ALK: variants seen among roughly 807,000 people sequenced by gnomAD.
The protein encoded by ALK is ALK receptor tyrosine kinase, also known as ALK tyrosine kinase receptor.
A neutral mutation model predicts 163.1 loss-of-function variants in ALK; 74 were observed. That is an observed-to-expected ratio of 0.45 (90% CI 0.38 to 0.55). The LOEUF (loss-of-function observed/expected upper bound fraction) is 0.55. Among genes scored for constraint, ALK ranks in the 20% least tolerant of loss-of-function variants. The pLI is 0.00. For missense variants in ALK, 2,063 were observed against 2,105.3 expected (o/e 0.98, Z 0.39); for synonymous variants, 960 against 843.2 (o/e 1.14, Z -2.40).
chr2:29,742,969 A>T (rs377411921), intron 1 of ALK, among the ~76,000 whole-genome samples: 8 of 152,240 alleles, frequency 5.3e-5, no homozygotes, highest in African/African-American at 1.9e-4. Context: ...TCTCAGCCAA[A>T]TATCACAATA....
intron 4 of ALK, among the ~76,000 whole-genome samples, chr2:29,427,201 G>A (rs1670166329): frequency 6.6e-6 from 1 of 151,908 alleles, no homozygotes; most frequent in Admixed American, 6.6e-5. Flanking sequence ...AAGCACACCT[G>A]ATAGTAATTT....
intron 25 of ALK, among the ~76,000 whole-genome samples, chr2:29,208,784 G>A (rs1051952654): frequency 2.6e-5 from 4 of 152,206 alleles, no homozygotes; most frequent in Non-Finnish European, 5.9e-5. Context: ...GTCATCCTGT[G>A]CAAGGAGGGA....
At chr2:29,621,748 G>A (rs919939283) in intron 3 of ALK, among the ~76,000 whole-genome samples, 31 of 152,152 alleles carry the variant, frequency 2.0e-4, no homozygotes, top group Non-Finnish European at 5.9e-5. Context: ...TATCCTCCAG[G>A]TGACCCCCTC....
intron 9 of ALK, among the ~76,000 whole-genome samples, chr2:29,282,993 G>A (rs78403070): frequency 8.3e-4 from 127 of 152,322 alleles, no homozygotes; most frequent in African/African-American, 2.9e-3. Flanking sequence ...TGTAGTGTAT[G>A]TTGAGCTCTG....
At chr2:29,551,681 T>G (rs868632370) in intron 3 of ALK, among the ~76,000 whole-genome samples, 14 of 152,286 alleles carry the variant, frequency 9.2e-5, no homozygotes, top group Middle Eastern at 3.4e-3. Context: ...ATGGATAGTG[T>G]GACCTCAGTC....
At chr2:29,365,297 G>A (rs1242183334) in intron 5 of ALK, among the ~76,000 whole-genome samples, 1 of 152,216 alleles carries the variant, frequency 6.6e-6, no homozygotes, top group Non-Finnish European at 1.5e-5. Flanking sequence ...TTAAACATAG[G>A]AAGCACTCAC....
chr2:29,372,930 A>T (rs1337125514), intron 5 of ALK, among the ~76,000 whole-genome samples: 2 of 152,196 alleles, frequency 1.3e-5, no homozygotes, highest in Non-Finnish European at 2.9e-5. Context: ...GTCTAAAGTG[A>T]CATTTCTCTG....
At chr2:29,673,271 G>T (rs1422665341) in intron 3 of ALK, among the ~76,000 whole-genome samples, 1 of 116,102 alleles carries the variant, frequency 8.6e-6, no homozygotes, top group Non-Finnish European at 1.7e-5. Context: ...GTCCTGAATG[G>T]TATTGCCTAG....
intron 3 of ALK, among the ~76,000 whole-genome samples, chr2:29,638,112 G>C (rs894438345): frequency 4.6e-5 from 7 of 152,146 alleles, no homozygotes; most frequent in African/African-American, 1.4e-4. Context: ...CCTTAAACTT[G>C]AGATACTTGG....
chr2:29,520,333 G>T (rs768163054), intron 4 of ALK, among the ~76,000 whole-genome samples: 3 of 152,296 alleles, frequency 2.0e-5, no homozygotes, highest in Admixed American at 6.5e-5. Flanking sequence ...AAACCATGTC[G>T]CAAGTTTTCA....
chr2:29,539,549 A>G (rs1673356180), intron 3 of ALK, among the ~76,000 whole-genome samples: 1 of 152,176 alleles, frequency 6.6e-6, no homozygotes, highest in Non-Finnish European at 1.5e-5. Context: ...GCTACTGTCC[A>G]AAATTTGCTT....
intron 11 of ALK, among the ~76,000 whole-genome samples, chr2:29,263,542 A>G (rs768311736): frequency 2.6e-5 from 4 of 152,182 alleles, no homozygotes; most frequent in Non-Finnish European, 5.9e-5. Context: ...GACGCATATG[A>G]GAAGATATGA....
rs1671998701 is a variant in ALK at position 29,495,339 on chromosome 2, G to A, written c.1154+36576C>T. On this transcript the variant is annotated intron_variant, in intron 4 of 28. Transcript: ENST00000389048. The stretch of plus-strand genomic sequence containing the variant: ...CAAGGGTGGAGGGTGGCATTGGAGT[G>A]TTTATTTCTCTAGTTCCTTTCCCGT... Among the ~76,000 whole-genome samples, 2 of 152,300 alleles carry A rather than the reference G, an allele frequency of 1.3e-5. 1 individual carries two copies. The highest frequency in any genetic ancestry group is 6.8e-3 in the Middle Eastern group (2 of 294).
At chr2:29,536,164 T>C (rs1394138638) in intron 3 of ALK, among the ~76,000 whole-genome samples, 2 of 152,202 alleles carry the variant, frequency 1.3e-5, no homozygotes, top group Non-Finnish European at 2.9e-5. Context: ...AACATGGTGA[T>C]GTAGTTTGGT....
At chr2:29,556,359 C>A (rs986248213) in intron 3 of ALK, among the ~76,000 whole-genome samples, 6 of 152,196 alleles carry the variant, frequency 3.9e-5, no homozygotes, top group Non-Finnish European at 7.3e-5. Context: ...ATGCTTAGCA[C>A]ACTGTGTGGC....
chr2:29,700,157 CTTG>C (rs1331044855), intron 2 of ALK, among the ~76,000 whole-genome samples: 1 of 152,198 alleles, frequency 6.6e-6, no homozygotes, highest in Admixed American at 6.5e-5. Context: ...TAAACAAGGA[CTTG>C]TTGTCATCCC....
intron 3 of ALK, among the ~76,000 whole-genome samples, chr2:29,663,385 T>A (rs571698759): frequency 6.6e-6 from 1 of 152,190 alleles, no homozygotes; most frequent in Non-Finnish European, 1.5e-5. Flanking sequence ...CAGGAAAAGA[T>A]TGAAAGAAAA....
intron 3 of ALK, among the ~76,000 whole-genome samples, chr2:29,600,083 G>C (rs1675341058): frequency 6.6e-6 from 1 of 152,130 alleles, no homozygotes; most frequent in African/African-American, 2.4e-5. Flanking sequence ...TCCACACGTG[G>C]GGCAGACCAG....
At chr2:29,672,076 T>C (rs1677709105) in intron 3 of ALK, among the ~76,000 whole-genome samples, 1 of 146,694 alleles carries the variant, frequency 6.8e-6, no homozygotes, top group African/African-American at 2.5e-5. Flanking sequence ...TTCATTTGAA[T>C]TAGAGTCTCA....
Sources: gnomAD v4.1 joint callset for allele counts (sites outside exome capture counted in the v4.1 genomes callset) on GRCh38, gnomAD v4.1.1 for gene constraint, MANE v1.5 for transcripts, NCBI Gene and HGNC (gene_info 2026-07-23, HGNC 2026-07-21) for gene names.